TUT7: variants seen among roughly 807,000 people sequenced by gnomAD.
TUT7 encodes terminal uridylyltransferase 7.
A neutral mutation model predicts 165.9 loss-of-function variants in TUT7; 33 were observed. The observed-to-expected ratio is 0.20, with a 90% CI of 0.15 to 0.27. The LOEUF is 0.27. Among genes scored for constraint, TUT7 ranks in the 10% least tolerant of loss-of-function variants. The pLI is 1.00. For synonymous variants in TUT7, 552 were observed against 608.1 expected, an observed-to-expected ratio of 0.91 and a Z score of 1.36; for missense variants, 1,338 against 1,762.3, an observed-to-expected ratio of 0.76 and a Z score of 4.31.
At chr9:86,352,613 T>TGAA in intron 2 of TUT7, 67 bp downstream of exon 2, 1 of 1,576,256 alleles carries the variant, frequency 6.3e-7, no homozygotes, top group Non-Finnish European at 8.7e-7. Flanking sequence ...ACAAAACTCA[T>TGAA]TTGGATGAAA....
At chr9:86,289,982 G>A (rs958785487) in intron 26 of TUT7, among the ~76,000 whole-genome samples, 7 of 151,922 alleles carry the variant, frequency 4.6e-5, no homozygotes, top group Admixed American at 2.6e-4. Flanking sequence ...GAAAAAACAA[G>A]GTATAAAACT....
chr9:86,317,614 C>T (rs774506721), intron 16 of TUT7, among the ~76,000 whole-genome samples: 12 of 152,126 alleles, frequency 7.9e-5, no homozygotes, highest in Non-Finnish European at 7.4e-5. Context: ...CGGATGTACC[C>T]CATGTCCCAG....
intron 22 of TUT7, among the ~76,000 whole-genome samples, chr9:86,306,323 G>A (rs1359685526): frequency 6.6e-6 from 1 of 152,180 alleles, no homozygotes; most frequent in Non-Finnish European, 1.5e-5. Context: ...TATTGAGATT[G>A]AGACTATCAG....
At chr9:86,334,054 T>C (rs944038684) in intron 10 of TUT7, among the ~76,000 whole-genome samples, 33 of 152,150 alleles carry the variant, frequency 2.2e-4, no homozygotes, top group African/African-American at 7.2e-4. Flanking sequence ...AGTGAGCTTG[T>C]GCCCCTAGAC....
chr9:86,291,965 G>T (rs969358021), intron 26 of TUT7, among the ~76,000 whole-genome samples: 10 of 152,016 alleles, frequency 6.6e-5, no homozygotes, highest in Admixed American at 3.9e-4. Context: ...TAAATACATA[G>T]AATATTTTTT....
In TUT7 at chr9:86,305,033, C is replaced by G. The variant is rs559433551; in HGVS notation, c.3887-86G>C. 11 of 1,224,664 alleles carry G rather than the reference C, an allele frequency of 9.0e-6. No individual in the cohort carries two copies. The South Asian group carries it at 1.5e-4, about 16-fold the overall frequency. 75.9% of individuals were successfully genotyped at this position (1,224,664 alleles called of 1,614,324 possible). ...ATGACAAACTACCTGGGCCTGGTGG[C>G]GCCTGTTATTCTAGCACTCTGGGAG... On this transcript the variant is annotated intron_variant, in intron 23 of 26. Coordinates refer to ENST00000375963, the MANE Select transcript of TUT7 (RefSeq NM_024617.4).
intron 25 of TUT7, 69 bp downstream of exon 25, chr9:86,303,016 AG>A: frequency 1.4e-6 from 1 of 689,802 alleles, no homozygotes; most frequent in Non-Finnish European, 2.5e-6. Flanking sequence ...TTGTTATAAT[AG>A]TACCTCATTT....
intron 23 of TUT7, 108 bp from the exon 24 acceptor site, chr9:86,305,055 G>T: frequency 8.5e-7 from 1 of 1,177,324 alleles, no homozygotes; most frequent in East Asian, 2.5e-5. Flanking sequence ...TAGCACTCTG[G>T]GAGGCTGGGG....
At position 86,340,976 on chromosome 9, in the gene TUT7, T is replaced by A. The variant is rs748458792; in HGVS notation, c.1138+26A>T. Reference sequence around the variant, plus strand: ...TCCAAATTATAGACAACATAAAAATTTTTTAAATGTGGAATTTGGCCTTAC... The same window carrying A: ...TCCAAATTATAGACAACATAAAAATATTTTAAATGTGGAATTTGGCCTTAC... On this transcript the variant is annotated intron_variant, in intron 7 of 26. Transcript: ENST00000375963. 3.0e-5 allele frequency: 47 copies of A among 1,587,948 alleles called. No individual in the cohort carries two copies. In the East Asian group the frequency reaches 1.1e-3, roughly 36 times the overall value.
At chr9:86,307,738 A>T (rs1827642897) in intron 22 of TUT7, among the ~76,000 whole-genome samples, 1 of 152,176 alleles carries the variant, frequency 6.6e-6, no homozygotes, top group African/African-American at 2.4e-5. Context: ...TCACATCTGT[A>T]ATCCCAGCAC....
intron 5 of TUT7, among the ~76,000 whole-genome samples, chr9:86,344,182 G>C (rs1831557705): frequency 6.6e-6 from 1 of 152,180 alleles, no homozygotes; most frequent in Non-Finnish European, 1.5e-5. Context: ...CTGTGGATCA[G>C]AATCACTTGT....
At chr9:86,343,838 T>A (rs557959659) in intron 5 of TUT7, among the ~76,000 whole-genome samples, 2 of 152,224 alleles carry the variant, frequency 1.3e-5, no homozygotes, top group Non-Finnish European at 2.9e-5. Context: ...TAGCATTTAT[T>A]TTCAGTGTTT....
intron 2 of TUT7, among the ~76,000 whole-genome samples, chr9:86,347,664 A>G (rs1347227223): frequency 6.6e-6 from 1 of 152,212 alleles, no homozygotes; most frequent in Non-Finnish European, 1.5e-5. Flanking sequence ...CCACAATATA[A>G]GAAAATTAAA....
intron 17 of TUT7, among the ~76,000 whole-genome samples, chr9:86,313,565 G>A (rs1452761737): frequency 6.6e-6 from 1 of 152,182 alleles, no homozygotes; most frequent in African/African-American, 2.4e-5. Context: ...AGATTCACTA[G>A]CTTAGGAATA....
intron 22 of TUT7, among the ~76,000 whole-genome samples, chr9:86,305,525 A>C (rs1222628297): frequency 6.6e-6 from 1 of 152,204 alleles, no homozygotes; most frequent in Non-Finnish European, 1.5e-5. Flanking sequence ...TTTATATTTA[A>C]ATCATTATAA....
chr9:86,353,244 T>C lies in TUT7; in HGVS notation c.-31-14A>G. ...CTTACTTTGCACCTGAAAGAAGGTA[T>C]TTTGGGGAAATATCAAACTATATAA... On this transcript the variant is annotated splice_polypyrimidine_tract_variant and intron_variant, in intron 1 of 26. Coordinates refer to ENST00000375963, the MANE Select transcript of TUT7 (RefSeq NM_024617.4). The C allele has an allele frequency of 6.6e-7, 1 of 1,517,102 alleles. No individual in the cohort carries two copies. The highest frequency in any genetic ancestry group is 1.3e-5 in the South Asian group (1 of 74,256). 94.0% of individuals were successfully genotyped at this position (1,517,102 alleles called of 1,614,324 possible).
At chr9:86,290,478 A>G (rs1383215894) in intron 26 of TUT7, among the ~76,000 whole-genome samples, 1 of 152,154 alleles carries the variant, frequency 6.6e-6, no homozygotes, top group Non-Finnish European at 1.5e-5. Context: ...CCACTGTATT[A>G]TTTATGCCAC....
chr9:86,338,029 C>T (rs895369645), intron 9 of TUT7, among the ~76,000 whole-genome samples: 8 of 152,122 alleles, frequency 5.3e-5, no homozygotes, highest in Admixed American at 1.3e-4. Flanking sequence ...GCATGTTCTA[C>T]TTAGTGATGA....
At chr9:86,319,897 A>G (rs796074421) in intron 14 of TUT7, among the ~76,000 whole-genome samples, 16 of 152,238 alleles carry the variant, frequency 1.1e-4, no homozygotes, top group African/African-American at 3.9e-4. Context: ...CAGTAGTGTG[A>G]TCTTAGCTTA....
Sources: allele counts gnomAD v4.1 joint callset (sites outside exome capture counted in the v4.1 genomes callset), GRCh38; gene constraint gnomAD v4.1.1; transcripts MANE v1.5; gene names NCBI Gene and HGNC (gene_info 2026-07-23, HGNC 2026-07-21).